SLC7A6: variants seen among roughly 807,000 people sequenced by gnomAD.
The protein encoded by SLC7A6 is Y+L amino acid transporter 2.
SLC7A6 carries 29 observed loss-of-function variants against 46.6 expected under a neutral mutation model. That is an observed-to-expected ratio of 0.62 (90% CI 0.46 to 0.85). SLC7A6 has a LOEUF of 0.85. SLC7A6 is among the 40% of genes least tolerant of loss of function. SLC7A6 has a pLI of 0.00. For synonymous variants in SLC7A6, 276 were observed against 257.3 expected (o/e 1.07, Z -0.70); for missense variants, 527 against 647.6 (o/e 0.81, Z 2.02).
At chr16:68,293,499 C>T (rs1041927224) in intron 7 of SLC7A6, among the ~76,000 whole-genome samples, 4 of 152,168 alleles carry the variant, frequency 2.6e-5, no homozygotes, top group Non-Finnish European at 4.4e-5. Flanking sequence ...CTAGCCTTTC[C>T]CTGACACCCT....
At chr16:68,286,501 T>C (rs2042937689) in intron 3 of SLC7A6, among the ~76,000 whole-genome samples, 1 of 151,906 alleles carries the variant, frequency 6.6e-6, no homozygotes, top group Non-Finnish European at 1.5e-5. Flanking sequence ...GTAAGTGGAG[T>C]TGGCCTAGAG....
chr16:68,294,777 A>C lies in SLC7A6; in HGVS notation c.1095A>C (p.Thr365=). 6.2e-7 allele frequency: 1 copy of C among 1,613,764 alleles called. No individual in the cohort carries two copies. Among genetic ancestry groups the C allele is most frequent in the South Asian group, 1.1e-5 (1 of 91,064 alleles). The change falls in exon 8 of 11, where the codon ACA becomes ACC. Residue 365 remains threonine (T), a synonymous_variant. Transcript: ENST00000219343. ...LLSMIHIERF[T]PIPALLFNCT... Reference sequence around the variant, plus strand: ...CCATGATCCACATTGAGCGTTTTACACCTATCCCTGCTTTACTGTTCAATG... The same window carrying C: ...CCATGATCCACATTGAGCGTTTTACCCCTATCCCTGCTTTACTGTTCAATG...
intron 3 of SLC7A6, among the ~76,000 whole-genome samples, chr16:68,280,476 T>C (rs147282053): frequency 6.6e-6 from 1 of 152,296 alleles, no homozygotes; most frequent in East Asian, 1.9e-4. Context: ...GTTGCCAACA[T>C]TTGAAAATCA....
chr16:68,270,557 G>T (rs1298722127), intron 2 of SLC7A6, among the ~76,000 whole-genome samples: 5 of 152,196 alleles, frequency 3.3e-5, no homozygotes, highest in African/African-American at 4.8e-5. Flanking sequence ...AAAAACCTGA[G>T]TGTCTGTGGC....
chr16:68,280,082 G>A (rs756169709), intron 3 of SLC7A6, among the ~76,000 whole-genome samples: 1 of 152,244 alleles, frequency 6.6e-6, no homozygotes, highest in Non-Finnish European at 1.5e-5. Context: ...AACAGAGCTA[G>A]GATATGCTGA....
chr16:68,277,316 T>TTTCTTTTATTTA (rs2042730038), intron 3 of SLC7A6, among the ~76,000 whole-genome samples: 1 of 135,886 alleles, frequency 7.4e-6, no homozygotes, highest in African/African-American at 2.8e-5. Context: ...AGAAGAGTAC[T>TTTCTTTTATTTA]TTTATTTATT....
intron 3 of SLC7A6, among the ~76,000 whole-genome samples, chr16:68,278,566 T>C (rs4783612): frequency 0.68 from 98,999 of 146,592 alleles, 33,898 homozygotes; most frequent in African/African-American, 0.84. Flanking sequence ...CATCTTGCAC[T>C]GCCCTTAATC....
chr16:68,278,884 C>T (rs1457390523), intron 3 of SLC7A6, among the ~76,000 whole-genome samples: 10 of 151,732 alleles, frequency 6.6e-5, no homozygotes, highest in African/African-American at 2.2e-4. Flanking sequence ...CCAGAAGGGG[C>T]GGCCGGGCAG....
At chr16:68,296,893 CAT>C in intron 10 of SLC7A6, 83 bp downstream of exon 10, 1 of 1,455,864 alleles carries the variant, frequency 6.9e-7, no homozygotes, top group South Asian at 1.3e-5. Context: ...ACAGCTTCCC[CAT>C]ACTCAGAATT....
intron 3 of SLC7A6, among the ~76,000 whole-genome samples, chr16:68,284,994 C>T (rs1362276908): frequency 6.6e-6 from 1 of 151,894 alleles, no homozygotes; most frequent in East Asian, 1.9e-4. Context: ...CCTCAGCCTC[C>T]CACACAGTTG....
intron 3 of SLC7A6, among the ~76,000 whole-genome samples, chr16:68,280,367 A>C (rs1364287037): frequency 6.6e-6 from 1 of 151,946 alleles, no homozygotes; most frequent in East Asian, 1.9e-4. Flanking sequence ...TATATAACCA[A>C]CTCTAGGGCA....
intron 1 of SLC7A6, among the ~76,000 whole-genome samples, chr16:68,265,132 C>T (rs2042507241): frequency 6.6e-6 from 1 of 152,212 alleles, no homozygotes; most frequent in Non-Finnish European, 1.5e-5. Context: ...TGACGATTAT[C>T]ATTTTAAAAT....
intron 2 of SLC7A6, among the ~76,000 whole-genome samples, chr16:68,267,693 A>C (rs1428457052): frequency 6.6e-6 from 1 of 152,278 alleles, no homozygotes; most frequent in African/African-American, 2.4e-5. Flanking sequence ...AGAAAGATCA[A>C]AGTAATGTCT....
chr16:68,267,270 A>G (rs1043784984), intron 2 of SLC7A6, among the ~76,000 whole-genome samples: 1 of 139,822 alleles, frequency 7.2e-6, no homozygotes, highest in Non-Finnish European at 1.5e-5. Flanking sequence ...GCGGAGTGCA[A>G]TGGTGCGATC....
At chr16:68,291,395 C>T (rs1444478311) in intron 6 of SLC7A6, 63 bp downstream of exon 6, 1 of 1,602,698 alleles carries the variant, frequency 6.2e-7, no homozygotes, top group African/African-American at 1.3e-5. Context: ...CTGCACAGCT[C>T]AGTCTGTCTT....
At chr16:68,278,965 C>T (rs565579311) in intron 3 of SLC7A6, among the ~76,000 whole-genome samples, 306 of 151,740 alleles carry the variant, frequency 2.0e-3, no homozygotes, top group Non-Finnish European at 3.3e-3. Flanking sequence ...CCGGACAGGG[C>T]GGCTGGCCGG....
At chr16:68,289,504 C>T (rs1039986236) in intron 4 of SLC7A6, among the ~76,000 whole-genome samples, 3 of 152,110 alleles carry the variant, frequency 2.0e-5, no homozygotes, top group Non-Finnish European at 2.9e-5. Context: ...AGAATGGACA[C>T]CCCTGAGGAC....
intron 10 of SLC7A6, 78 bp downstream of exon 10, chr16:68,296,888 T>C: frequency 1.4e-6 from 2 of 1,456,370 alleles, no homozygotes; most frequent in Non-Finnish European, 1.9e-6. Context: ...GGCTAACAGC[T>C]TCCCCATACT....
At chr16:68,281,321 A>T (rs1355390700) in intron 3 of SLC7A6, among the ~76,000 whole-genome samples, 2 of 152,182 alleles carry the variant, frequency 1.3e-5, no homozygotes, top group Non-Finnish European at 2.9e-5. Flanking sequence ...CTTCCAGGAG[A>T]CATTTAGCAA....
Sources: gnomAD v4.1 joint callset for allele counts (sites outside exome capture counted in the v4.1 genomes callset) on GRCh38, gnomAD v4.1.1 for gene constraint, MANE v1.5 for transcripts, NCBI Gene and HGNC (gene_info 2026-07-23, HGNC 2026-07-21) for gene names.